The following CSMD1 variants were observed in gnomAD, a reference collection of about 807,000 sequenced individuals.
The protein encoded by CSMD1 is CUB and sushi domain-containing protein 1.
In CSMD1, 213 loss-of-function variants were observed where a neutral mutation model predicts 417.5. That is an observed-to-expected ratio of 0.51 (90% CI 0.46 to 0.57). The LOEUF (loss-of-function observed/expected upper bound fraction) is 0.57, where lower values mean the gene tolerates loss of function less well. Ranked by LOEUF, CSMD1 falls within the 20% of genes least tolerant of loss-of-function variation. The pLI, the probability that CSMD1 is intolerant of heterozygous loss-of-function variation, is 0.00. For synonymous variants in CSMD1, 2,862 were observed against 1,736.8 expected (o/e 1.65, Z -16.11); for missense variants, 6,923 against 4,529.7 (o/e 1.53, Z -15.17).
intron 3 of CSMD1, among the ~76,000 whole-genome samples, chr8:4,047,700 T>G (rs1798220217): frequency 6.6e-6 from 1 of 152,124 alleles, no homozygotes; most frequent in Non-Finnish European, 1.5e-5. Flanking sequence ...ATAAAATTTG[T>G]AATAGCTCAG....
chr8:3,708,029 A>G (rs1343068886), intron 7 of CSMD1, among the ~76,000 whole-genome samples: 2 of 152,330 alleles, frequency 1.3e-5, no homozygotes, highest in Middle Eastern at 3.4e-3. Flanking sequence ...ATAATATTTC[A>G]ATAGACAAAA....
At chr8:4,779,913 T>C (rs1472336060) in intron 1 of CSMD1, among the ~76,000 whole-genome samples, 3 of 152,012 alleles carry the variant, frequency 2.0e-5, no homozygotes, top group Non-Finnish European at 2.9e-5. Flanking sequence ...TTTTCTTTTT[T>C]TTTTTCTCCA....
intron 7 of CSMD1, among the ~76,000 whole-genome samples, chr8:3,621,017 G>A (rs1796207292): frequency 6.6e-6 from 1 of 152,060 alleles, no homozygotes; most frequent in South Asian, 2.1e-4. Flanking sequence ...CATGACTGGT[G>A]CCCTTCTAAG....
At position 3,437,718 on chromosome 8, in the gene CSMD1, C is replaced by A. The variant is rs909953281; in HGVS notation, c.1562-28113G>T. ...GGAAGACAGAACACCCTGTTCCCAC[C>A]AAAGCCACTATAGATGCAGCTAATT... is the stretch of plus-strand genomic sequence containing the variant. On this transcript the variant is annotated intron_variant, in intron 12 of 69. Transcript: ENST00000635120. Among the ~76,000 whole-genome samples the A allele has an allele frequency of 2.0e-5, 3 of 151,774 alleles. No homozygotes were observed. In the East Asian group the frequency reaches 5.8e-4, roughly 29 times the overall value.
At chr8:3,654,437 A>C (rs938363733) in intron 7 of CSMD1, among the ~76,000 whole-genome samples, 4 of 152,194 alleles carry the variant, frequency 2.6e-5, no homozygotes, top group African/African-American at 9.7e-5. Context: ...CTGTGCACAT[A>C]GGGAAAAGAT....
intron 3 of CSMD1, among the ~76,000 whole-genome samples, chr8:4,302,222 G>T (rs530192481): frequency 6.6e-6 from 1 of 152,192 alleles, no homozygotes; most frequent in Non-Finnish European, 1.5e-5. Flanking sequence ...TAGATGCAAT[G>T]AAGGCCCAAA....
chr8:2,975,483 G>A (rs1804835910), intron 55 of CSMD1, among the ~76,000 whole-genome samples: 1 of 152,114 alleles, frequency 6.6e-6, no homozygotes. Flanking sequence ...CACCCAGAAG[G>A]GTTATCAACC....
At chr8:4,380,516 G>A (rs766214066) in intron 3 of CSMD1, among the ~76,000 whole-genome samples, 1 of 152,192 alleles carries the variant, frequency 6.6e-6, no homozygotes. Flanking sequence ...CACAGCCAAG[G>A]GGAGCCCAAG....
At chr8:3,035,170 C>A (rs961292966) in intron 50 of CSMD1, among the ~76,000 whole-genome samples, 2 of 152,192 alleles carry the variant, frequency 1.3e-5, no homozygotes, top group Non-Finnish European at 2.9e-5. Flanking sequence ...TCCTAAGATA[C>A]AGGGCTGTTC....
intron 52 of CSMD1, among the ~76,000 whole-genome samples, chr8:3,013,118 A>C (rs1300816913): frequency 6.6e-6 from 1 of 152,194 alleles, no homozygotes; most frequent in South Asian, 2.1e-4. Flanking sequence ...AGGCTCAGGT[A>C]TGTCTTTCTT....
At chr8:3,697,959 G>C (rs1411934960) in intron 7 of CSMD1, among the ~76,000 whole-genome samples, 1 of 152,106 alleles carries the variant, frequency 6.6e-6, no homozygotes, top group African/African-American at 2.4e-5. Context: ...CACTTGAAAA[G>C]CATTTTACTT....
intron 10 of CSMD1, 137 bp downstream of exon 10, chr8:3,574,808 C>A: frequency 2.1e-6 from 2 of 966,088 alleles, no homozygotes; most frequent in Admixed American, 2.6e-5. Context: ...CATCTAGACA[C>A]AGGATGCAGC....
intron 5 of CSMD1, among the ~76,000 whole-genome samples, chr8:3,893,923 TAC>T (rs1459214376): frequency 1.3e-5 from 2 of 152,052 alleles, no homozygotes; most frequent in Non-Finnish European, 2.9e-5. Context: ...AGCAAGCATG[TAC>T]AGTTACCGCA....
At chr8:3,530,885 T>C (rs765910852) in intron 10 of CSMD1, among the ~76,000 whole-genome samples, 3 of 149,030 alleles carry the variant, frequency 2.0e-5, no homozygotes, top group Non-Finnish European at 3.0e-5. Context: ...TAAGATGGAG[T>C]CTCATTCTGT....
chr8:2,967,093 C>T (rs983171234), intron 57 of CSMD1, among the ~76,000 whole-genome samples: 5 of 152,094 alleles, frequency 3.3e-5, no homozygotes, highest in Admixed American at 6.5e-5. Context: ...TTTTTAATGC[C>T]GTGACAGAAT....
At chr8:4,230,944 G>A (rs1585063410) in intron 3 of CSMD1, among the ~76,000 whole-genome samples, 1 of 151,762 alleles carries the variant, frequency 6.6e-6, no homozygotes, top group Non-Finnish European at 1.5e-5. Flanking sequence ...TTTTCTACTT[G>A]GAAAACATGT....
chr8:4,774,456 A>C (rs1468621423), intron 1 of CSMD1, among the ~76,000 whole-genome samples: 1 of 152,186 alleles, frequency 6.6e-6, no homozygotes, highest in Non-Finnish European at 1.5e-5. Flanking sequence ...CTCCTCTAAC[A>C]ATGCCATTTA....
At chr8:3,300,138 G>C (rs1271168585) in intron 25 of CSMD1, among the ~76,000 whole-genome samples, 1 of 152,116 alleles carries the variant, frequency 6.6e-6, no homozygotes, top group Non-Finnish European at 1.5e-5. Context: ...AACTAAATAG[G>C]ATGAGGCAAA....
chr8:4,362,298 G>C (rs1046751875), intron 3 of CSMD1, among the ~76,000 whole-genome samples: 1 of 152,052 alleles, frequency 6.6e-6, no homozygotes, highest in Non-Finnish European at 1.5e-5. Flanking sequence ...CCTCCTTCAG[G>C]TGGACTCCTT....
Sources: gnomAD v4.1 joint callset for allele counts (sites outside exome capture counted in the v4.1 genomes callset) on GRCh38, gnomAD v4.1.1 for gene constraint, MANE v1.5 for transcripts, NCBI Gene and HGNC (gene_info 2026-07-23, HGNC 2026-07-21) for gene names.